The following STOX2 variants were observed in gnomAD, a reference collection of about 807,000 sequenced individuals.
STOX2 encodes the protein storkhead box 2, also known as storkhead-box protein 2.
STOX2 carries 28 observed loss-of-function variants against 60.9 expected under a neutral mutation model. The ratio of observed to expected loss-of-function variants is 0.46; its 90% confidence interval spans 0.34 to 0.63. STOX2 has a LOEUF of 0.63. STOX2 is among the 30% of genes least tolerant of loss of function. The pLI is 0.01. For missense variants in STOX2, 1,024 were observed against 1,187.7 expected (o/e 0.86, Z 2.03); for synonymous variants, 472 against 463.9 (o/e 1.02, Z -0.22).
intron 1 of STOX2, among the ~76,000 whole-genome samples, chr4:183,859,043 T>G (rs1486878111): frequency 1.3e-5 from 2 of 152,176 alleles, no homozygotes; most frequent in Non-Finnish European, 2.9e-5. Context: ...AGGAAAGGTT[T>G]TATGCCTTTC....
chr4:183,844,509 T>A (rs888857479), intron 1 of STOX2, among the ~76,000 whole-genome samples: 1 of 152,194 alleles, frequency 6.6e-6, no homozygotes, highest in Admixed American at 6.5e-5. Context: ...TTTTGACAAT[T>A]TGGTTGTCAA....
intron 1 of STOX2, among the ~76,000 whole-genome samples, chr4:183,953,661 G>A (rs954805295): frequency 1.3e-4 from 19 of 150,048 alleles, no homozygotes; most frequent in Admixed American, 5.4e-4. Flanking sequence ...CGCCTCCCGA[G>A]TTCAAACAAT....
chr4:183,960,872 A>G (rs1473291233), intron 1 of STOX2, among the ~76,000 whole-genome samples: 1 of 152,214 alleles, frequency 6.6e-6, no homozygotes, highest in East Asian at 1.9e-4. Flanking sequence ...TAATGCTCTG[A>G]CAGTTTCAAC....
intron 1 of STOX2, among the ~76,000 whole-genome samples, chr4:183,844,067 A>G (rs918439124): frequency 2.0e-5 from 3 of 152,216 alleles, no homozygotes; most frequent in African/African-American, 4.8e-5. Context: ...AAGCAATCTA[A>G]TAATTGTTTC....
intron 1 of STOX2, among the ~76,000 whole-genome samples, chr4:183,833,981 C>CAA (rs70959149): frequency 0.035 from 2,807 of 79,474 alleles, 97 homozygotes; most frequent in African/African-American, 0.056. Flanking sequence ...GACTCCGTCT[C>CAA]AAAAAAAAAA....
chr4:183,896,610 G>A (rs1276057906), intron 1 of STOX2, among the ~76,000 whole-genome samples: 9 of 152,166 alleles, frequency 5.9e-5, no homozygotes, highest in Admixed American at 5.9e-4. Context: ...CTAAAGTGCT[G>A]GGATTACAGG....
chr4:183,964,455 T>G (rs1360990172), intron 1 of STOX2, among the ~76,000 whole-genome samples: 1 of 152,206 alleles, frequency 6.6e-6, no homozygotes, highest in Non-Finnish European at 1.5e-5. Flanking sequence ...TGTCTTTATC[T>G]CAGTACCTGT....
At chr4:183,953,477 A>T (rs1743153876) in intron 1 of STOX2, among the ~76,000 whole-genome samples, 1 of 152,128 alleles carries the variant, frequency 6.6e-6, no homozygotes, top group African/African-American at 2.4e-5. Context: ...ACCCAGTGGC[A>T]AGACTGGGGC....
intron 1 of STOX2, among the ~76,000 whole-genome samples, chr4:183,844,296 GAAA>G (rs201834598): frequency 6.6e-6 from 1 of 151,890 alleles, no homozygotes; most frequent in Non-Finnish European, 1.5e-5. Context: ...TGTTTTCCTA[GAAA>G]AAAAACCTGA....
intron 1 of STOX2, among the ~76,000 whole-genome samples, chr4:183,805,899 C>T (rs1367691274): frequency 1.3e-5 from 2 of 152,242 alleles, no homozygotes; most frequent in African/African-American, 4.8e-5. Context: ...ATCAGTCTCT[C>T]TTGATGCGGA....
In STOX2 at chr4:183,906,759, G is replaced by A; in HGVS notation, c.-32G>A. The A allele has an allele frequency of 1.3e-6, 2 of 1,489,406 alleles. No homozygotes were observed. Among genetic ancestry groups the A allele is most frequent in the Non-Finnish European group, 1.8e-6 (2 of 1,113,176 alleles). 92.3% of individuals were successfully genotyped at this position (1,489,406 alleles called of 1,614,324 possible). A position where few individuals can be genotyped will look rare whatever the true frequency, so the allele number is the denominator to read the frequency against. The stretch of plus-strand genomic sequence containing the variant: ...CGCTGCGCCCCGGCGCTGAGGCCCC[G>A]AGGATCGGGGCGGCAGGTCGCCCTC... On this transcript the variant is annotated 5_prime_UTR_variant, in exon 1 of 4. Coordinates refer to ENST00000308497, the MANE Select transcript of STOX2 (RefSeq NM_020225.3).
At chr4:183,939,299 T>C (rs1742684410) in intron 1 of STOX2, among the ~76,000 whole-genome samples, 1 of 152,190 alleles carries the variant, frequency 6.6e-6, no homozygotes, top group South Asian at 2.1e-4. Context: ...CCTTCCAGCT[T>C]CCGGTGACTC....
rs151187802 is a variant in STOX2 at position 183,821,300 on chromosome 4, A to G, written c.364+23245A>G. The stretch of plus-strand genomic sequence containing the variant: ...TGTGTAACCATATGGTGCTTCACGG[A>G]ATGCAGATAATGGCTTTATTTTCCT... On this transcript the variant is annotated intron_variant, in intron 1 of 2. Coordinates refer to the STOX2 transcript ENST00000513034. This position sits in a 1 kb window ranked among gnomAD's most constrained non-coding sequence, Gnocchi z 4.2. Among the ~76,000 whole-genome samples, 47 of 152,182 alleles carry G rather than the reference A, an allele frequency of 3.1e-4. No individual in the cohort carries two copies. The highest frequency in any genetic ancestry group is 6.2e-4 in the Non-Finnish European group (42 of 68,036).
intron 1 of STOX2, among the ~76,000 whole-genome samples, chr4:183,946,626 G>GT (rs1165190524): frequency 1.0e-4 from 6 of 58,072 alleles, no homozygotes; most frequent in African/African-American, 3.6e-4. Context: ...ACATAGTTGT[G>GT]GTTTTTTTTT....
intron 1 of STOX2, among the ~76,000 whole-genome samples, chr4:183,820,179 C>A (rs1292016062): frequency 6.6e-6 from 1 of 152,164 alleles, no homozygotes; most frequent in African/African-American, 2.4e-5. Flanking sequence ...CCCGCCTCGG[C>A]CTCCCAAAGT....
At chr4:183,866,494 G>A (rs1740570887) in intron 1 of STOX2, among the ~76,000 whole-genome samples, 1 of 152,098 alleles carries the variant, frequency 6.6e-6, no homozygotes, top group Non-Finnish European at 1.5e-5. Flanking sequence ...TTTTAATCAG[G>A]CATTTTGCCT....
At chr4:183,932,140 A>G (rs1742442662) in intron 1 of STOX2, among the ~76,000 whole-genome samples, 1 of 152,066 alleles carries the variant, frequency 6.6e-6, no homozygotes, top group Non-Finnish European at 1.5e-5. Context: ...GGAGGAGTCA[A>G]GGTGATACCC....
rs1224084914 is a variant in STOX2 at position 184,017,723 on chromosome 4, TA to T, written c.*451del. ...AAAACAAAACAAAACAAAAAAAATT[TA>T]AAAAAAAAAAACAAAAAACAAAACT... On this transcript the variant is annotated 3_prime_UTR_variant, in exon 4 of 4. Transcript: ENST00000308497. 26 of 144,156 alleles carry T rather than the reference TA, an allele frequency of 1.8e-4. No homozygotes were observed. Among genetic ancestry groups the T allele is most frequent in the Non-Finnish European group, 2.5e-4 (17 of 66,782 alleles). 8.9% of individuals were successfully genotyped at this position (144,156 alleles called of 1,614,324 possible). A position where few individuals can be genotyped will look rare whatever the true frequency, so the allele number is the denominator to read the frequency against.
At chr4:184,016,844 T>G (rs758084655) in intron 3 of STOX2, among the ~76,000 whole-genome samples, 1 of 152,220 alleles carries the variant, frequency 6.6e-6, no homozygotes, top group Non-Finnish European at 1.5e-5. Flanking sequence ...CATTTCAAAG[T>G]GCATTTAGCT....
Sources: allele counts gnomAD v4.1 joint callset (sites outside exome capture counted in the v4.1 genomes callset), GRCh38; gene constraint gnomAD v4.1.1; non-coding constraint Gnocchi (gnomAD v3.1); transcripts MANE v1.5; gene names NCBI Gene and HGNC (gene_info 2026-07-23, HGNC 2026-07-21).